The following DACH2 variants were observed in gnomAD, a reference collection of about 807,000 sequenced individuals.
DACH2 encodes the protein dachshund family transcription factor 2, also known as dachshund homolog 2.
DACH2 carries 17 observed loss-of-function variants against 35.8 expected under a neutral mutation model. The observed-to-expected ratio is 0.48, with a 90% confidence interval of 0.33 to 0.71. The LOEUF (loss-of-function observed/expected upper bound fraction) is 0.71. Ranked by LOEUF, DACH2 falls within the 30% of genes least tolerant of loss-of-function variation. The pLI is 0.02. For missense variants in DACH2, 469 were observed against 472.7 expected (o/e 0.99, Z 0.07); for synonymous variants, 195 against 177.3 (o/e 1.10, Z -0.79).
At chrX:86,171,851 T>A (rs2031135900) in intron 1 of DACH2, among the ~76,000 whole-genome samples, 1 of 112,005 alleles carries the variant, frequency 8.9e-6, no homozygotes, top group Non-Finnish European at 1.9e-5. Context: ...TGAAGGTTTT[T>A]TTTCTGTGTA....
chrX:86,517,242 C>G (rs955845255), intron 3 of DACH2, among the ~76,000 whole-genome samples: 4 of 111,300 alleles, frequency 3.6e-5, no homozygotes, highest in Non-Finnish European at 7.5e-5. Flanking sequence ...AATAGCCATT[C>G]TGATTGGTGA....
chrX:86,260,678 C>G (rs2033608961), intron 1 of DACH2, among the ~76,000 whole-genome samples: 2 of 111,828 alleles, frequency 1.8e-5, no homozygotes, highest in South Asian at 7.5e-4. Context: ...TTACAAAATC[C>G]AAAGATCTCA....
chrX:86,268,691 G>A (rs941105038), intron 1 of DACH2, among the ~76,000 whole-genome samples: 24 of 108,727 alleles, frequency 2.2e-4, no homozygotes, highest in African/African-American at 2.7e-4. Flanking sequence ...GCACCACCAC[G>A]CCCAGCTAAT....
chrX:86,681,609 C>CTA (rs57331012), intron 4 of DACH2, among the ~76,000 whole-genome samples: 5,008 of 98,793 alleles, frequency 0.051, 141 homozygotes, highest in Admixed American at 0.1. Flanking sequence ...CTCTCTCTCT[C>CTA]TATATATATA....
intron 3 of DACH2, among the ~76,000 whole-genome samples, chrX:86,614,957 T>G: frequency 8.9e-6 from 1 of 112,174 alleles, no homozygotes. Context: ...GTCTATTCCT[T>G]ACAATTCTGT....
At chrX:86,830,464 C>G (rs936722193) in intron 11 of DACH2, 1 of 111,634 alleles carries the variant, frequency 9.0e-6, no homozygotes, top group Non-Finnish European at 1.9e-5. Flanking sequence ...CCTAGTTTTT[C>G]TTTCAATTTT....
chrX:86,607,098 T>C (rs2039868889), intron 3 of DACH2, among the ~76,000 whole-genome samples: 1 of 111,842 alleles, frequency 8.9e-6, no homozygotes, highest in African/African-American at 3.2e-5. Context: ...TTGTGTTTCT[T>C]GTAGGCAGCA....
intron 1 of DACH2, among the ~76,000 whole-genome samples, chrX:86,289,431 A>G (rs1432880455): frequency 9.6e-6 from 1 of 103,751 alleles, no homozygotes; most frequent in Non-Finnish European, 2.0e-5. Flanking sequence ...TTTATTTATT[A>G]TTATTATACT....
At chrX:86,407,657 GT>G (rs1296820255) in intron 2 of DACH2, among the ~76,000 whole-genome samples, 1 of 112,289 alleles carries the variant, frequency 8.9e-6, no homozygotes, top group East Asian at 2.8e-4. Context: ...AGGCTGATGA[GT>G]TTTGATAAGT....
intron 4 of DACH2, among the ~76,000 whole-genome samples, chrX:86,668,497 C>G (rs1240375982): frequency 8.9e-6 from 1 of 111,954 alleles, no homozygotes; most frequent in African/African-American, 3.2e-5. Context: ...CATTTTTCCC[C>G]TATCTTCTTA....
intron 2 of DACH2, among the ~76,000 whole-genome samples, chrX:86,458,983 C>T (rs1221384335): frequency 1.8e-5 from 2 of 110,646 alleles, no homozygotes; most frequent in African/African-American, 3.3e-5. Flanking sequence ...CAAAACTGCA[C>T]GCTCTGCACA....
intron 1 of DACH2, among the ~76,000 whole-genome samples, chrX:86,344,412 C>T (rs1243013543): frequency 9.3e-6 from 1 of 107,154 alleles, no homozygotes; most frequent in Non-Finnish European, 1.9e-5. Context: ...TTGTTAATAT[C>T]CTCTACATTA....
At chrX:86,322,341 C>T (rs1349133398) in intron 1 of DACH2, among the ~76,000 whole-genome samples, 1 of 110,405 alleles carries the variant, frequency 9.1e-6, no homozygotes, top group African/African-American at 3.3e-5. Flanking sequence ...GGAGTGTGGG[C>T]CTAAGATGGC....
chrX:86,422,026 T>C (rs1180820917), intron 2 of DACH2, among the ~76,000 whole-genome samples: 1 of 111,080 alleles, frequency 9.0e-6, no homozygotes, highest in African/African-American at 3.3e-5. Flanking sequence ...TTTAAACTTA[T>C]GCCAATAACT....
chrX:86,698,519 GTGTT>G (rs1401147246), intron 5 of DACH2, among the ~76,000 whole-genome samples: 5 of 32,082 alleles, frequency 1.6e-4, no homozygotes, highest in African/African-American at 2.6e-4. Flanking sequence ...TGTTAGTTTT[GTGTT>G]TTTTTTTTTT....
At chrX:86,399,554 G>C (rs1335454905) in intron 2 of DACH2, among the ~76,000 whole-genome samples, 1 of 111,795 alleles carries the variant, frequency 8.9e-6, no homozygotes, top group Non-Finnish European at 1.9e-5. Flanking sequence ...GCTTCCTTCA[G>C]GAGCTCTTTT....
chrX:86,368,779 T>C (rs897875172), intron 1 of DACH2, among the ~76,000 whole-genome samples: 3 of 110,321 alleles, frequency 2.7e-5, no homozygotes, highest in Non-Finnish European at 3.8e-5. Flanking sequence ...CCAAGGCTGG[T>C]CATGAACTCC....
intron 3 of DACH2, among the ~76,000 whole-genome samples, chrX:86,585,411 A>C (rs1160062257): frequency 9.0e-6 from 1 of 110,753 alleles, no homozygotes; most frequent in East Asian, 2.8e-4. Flanking sequence ...TTTAACTTTT[A>C]TTTTAGGTTC....
intron 1 of DACH2, among the ~76,000 whole-genome samples, chrX:86,155,003 C>A (rs1194388567): frequency 2.7e-5 from 3 of 111,177 alleles, no homozygotes; most frequent in Non-Finnish European, 5.7e-5. Context: ...TGGAGATCAA[C>A]ATATTAAAGC....
Sources: gnomAD v4.1 joint callset for allele counts (sites outside exome capture counted in the v4.1 genomes callset) on GRCh38, gnomAD v4.1.1 for gene constraint, MANE v1.5 for transcripts, NCBI Gene and HGNC (gene_info 2026-07-23, HGNC 2026-07-21) for gene names.